Variants in FOXP2 observed in about 807,000 individuals in gnomAD.
The protein encoded by FOXP2 is forkhead box protein P2.
A neutral mutation model predicts 115.8 loss-of-function variants in FOXP2; 12 were observed. The observed-to-expected ratio is 0.10, with a 90% CI of 0.07 to 0.17. The LOEUF (loss-of-function observed/expected upper bound fraction) is 0.17, where lower values mean the gene tolerates loss of function less well. Ranked by LOEUF, FOXP2 falls within the 10% of genes least tolerant of loss-of-function variation. FOXP2 has a pLI of 1.00. For synonymous variants in FOXP2, 328 were observed against 297.7 expected (o/e 1.10, Z -1.05); for missense variants, 629 against 843.5 (o/e 0.75, Z 3.15).
intron 1 of FOXP2, among the ~76,000 whole-genome samples, chr7:114,095,793 A>G (rs13228816): frequency 0.12 from 17,599 of 152,192 alleles, 1,772 homozygotes; most frequent in East Asian, 0.57. Flanking sequence ...TTTTAAAATT[A>G]GAGCTCTCCT....
At chr7:114,549,576 A>C (rs1800099891) in intron 3 of FOXP2, among the ~76,000 whole-genome samples, 1 of 152,180 alleles carries the variant, frequency 6.6e-6, no homozygotes, top group African/African-American at 2.4e-5. Context: ...GTTTGTCATC[A>C]CTTCATCCAG....
At chr7:114,150,903 T>C (rs1792512274) in intron 1 of FOXP2, among the ~76,000 whole-genome samples, 1 of 152,048 alleles carries the variant, frequency 6.6e-6, no homozygotes, top group Non-Finnish European at 1.5e-5. Flanking sequence ...ATTGTACACA[T>C]TTAAAATACT....
At chr7:114,393,413 C>A (rs1235431430) in intron 2 of FOXP2, among the ~76,000 whole-genome samples, 1 of 151,716 alleles carries the variant, frequency 6.6e-6, no homozygotes, top group Non-Finnish European at 1.5e-5. Flanking sequence ...TGTCAGAGCC[C>A]AAGCAGAGTA....
chr7:114,251,934 A>G (rs1305152874), intron 1 of FOXP2, among the ~76,000 whole-genome samples: 2 of 152,176 alleles, frequency 1.3e-5, no homozygotes, highest in Non-Finnish European at 1.5e-5. Flanking sequence ...GGTTTGTCAT[A>G]AATAGCTTTC....
intron 6 of FOXP2, among the ~76,000 whole-genome samples, chr7:114,642,025 C>G (rs956663928): frequency 1.6e-4 from 25 of 151,922 alleles, no homozygotes; most frequent in Admixed American, 1.3e-3. Flanking sequence ...AGGCTGGTCT[C>G]GAACTCCTGG....
At chr7:114,267,958 C>T (rs1250685990) in intron 1 of FOXP2, among the ~76,000 whole-genome samples, 1 of 151,842 alleles carries the variant, frequency 6.6e-6, no homozygotes, top group Non-Finnish European at 1.5e-5. Flanking sequence ...ATATACTTCT[C>T]ATTTCCTTCT....
At chr7:114,634,651 A>G (rs1301177119) in intron 6 of FOXP2, among the ~76,000 whole-genome samples, 2 of 152,032 alleles carry the variant, frequency 1.3e-5, no homozygotes, top group Non-Finnish European at 2.9e-5. Context: ...GTATATACAT[A>G]CATATGTCAA....
chr7:114,201,133 G>T (rs1351375617), intron 1 of FOXP2, among the ~76,000 whole-genome samples: 1 of 152,026 alleles, frequency 6.6e-6, no homozygotes. Context: ...TCCCGCTTGG[G>T]CAACAAGAGA....
intron 1 of FOXP2, among the ~76,000 whole-genome samples, chr7:114,103,637 C>T (rs2129141085): frequency 6.6e-6 from 1 of 152,138 alleles, no homozygotes. Context: ...GGCAAATCCA[C>T]AATACTCAGC....
At chr7:114,495,993 C>T (rs1000468112) in intron 2 of FOXP2, among the ~76,000 whole-genome samples, 2 of 152,096 alleles carry the variant, frequency 1.3e-5, no homozygotes, top group Non-Finnish European at 2.9e-5. Flanking sequence ...TTTAGAGACT[C>T]TCCTCATATA....
intron 6 of FOXP2, among the ~76,000 whole-genome samples, chr7:114,635,168 C>T (rs192502232): frequency 5.3e-5 from 8 of 152,036 alleles, no homozygotes; most frequent in East Asian, 3.9e-4. Context: ...AGAATTGTGC[C>T]GAAGATAGTC....
intron 1 of FOXP2, among the ~76,000 whole-genome samples, chr7:114,229,385 G>A (rs1584561335): frequency 6.6e-6 from 1 of 151,562 alleles, no homozygotes; most frequent in Non-Finnish European, 1.5e-5. Flanking sequence ...AGGAAAAAGA[G>A]GACTTGAACC....
In FOXP2 at chr7:114,644,809, T is replaced by C; in HGVS notation, c.1094+20T>C. ...TTTAAAGTAGGTTTTTTACTTTTTT[T>C]TGGTGGGGGGCGGGGGCTGGATTAT... is the stretch of plus-strand genomic sequence containing the variant. On this transcript the variant is annotated intron_variant, in intron 8 of 16. Coordinates refer to ENST00000350908, the MANE Select transcript of FOXP2 (RefSeq NM_014491.4). 1.3e-6 allele frequency: 2 copies of C among 1,591,564 alleles called. No homozygotes were observed. Among genetic ancestry groups the C allele is most frequent in the South Asian group, 1.1e-5 (1 of 90,612 alleles).
intron 4 of FOXP2, chr7:114,629,058 A>G (rs925395131): frequency 9.1e-6 from 2 of 220,160 alleles, no homozygotes; most frequent in African/African-American, 4.7e-5. Flanking sequence ...TCACAAAAGT[A>G]TGAAATTTGA....
intron 3 of FOXP2, among the ~76,000 whole-genome samples, chr7:114,616,727 T>C (rs371155932): frequency 6.6e-6 from 1 of 152,194 alleles, no homozygotes; most frequent in East Asian, 1.9e-4. Flanking sequence ...TAACTATCAT[T>C]GATATGCTAA....
At chr7:114,532,181 G>T (rs1000281155) in intron 2 of FOXP2, among the ~76,000 whole-genome samples, 2 of 151,884 alleles carry the variant, frequency 1.3e-5, no homozygotes, top group African/African-American at 4.8e-5. Flanking sequence ...TGTTACAAAA[G>T]TTTAGAGTTC....
intron 2 of FOXP2, among the ~76,000 whole-genome samples, chr7:114,452,486 C>T (rs1168721156): frequency 6.6e-6 from 1 of 152,008 alleles, no homozygotes; most frequent in Non-Finnish European, 1.5e-5. Context: ...ATGAGTACAG[C>T]TCATGATACC....
intron 1 of FOXP2, among the ~76,000 whole-genome samples, chr7:114,144,159 A>AG (rs1217213532): frequency 2.6e-5 from 4 of 152,268 alleles, no homozygotes; most frequent in African/African-American, 9.6e-5. Flanking sequence ...GATTTTCGGT[A>AG]GATTAGGTGT....
Position 114,207,206 on chromosome 7 carries a change from G to A in FOXP2, c.-102+44118G>A, listed in dbSNP as rs146593415. ...TATGCTAGTTTTTATTTATCCATTC[G>A]GTAGTTGATGGACATTTAGGTTGTT... On this transcript the variant is annotated intron_variant, in intron 1 of 17. Coordinates refer to the FOXP2 transcript ENST00000634411. Among the ~76,000 whole-genome samples the A allele has an allele frequency of 7.6e-4, 116 of 152,168 alleles. No homozygotes were observed. In the East Asian group the frequency reaches 0.017, roughly 23 times the overall value.
Sources: gnomAD v4.1 joint callset for allele counts (sites outside exome capture counted in the v4.1 genomes callset) on GRCh38, gnomAD v4.1.1 for gene constraint, MANE v1.5 for transcripts, NCBI Gene and HGNC (gene_info 2026-07-23, HGNC 2026-07-21) for gene names.